NMRAL1: variants seen among roughly 807,000 people sequenced by gnomAD.
NMRAL1 encodes the protein NmrA like redox sensor 1, also known as nmrA-like family domain-containing protein 1.
In NMRAL1, 32 loss-of-function variants were observed where a neutral mutation model predicts 27.5. The ratio of observed to expected loss-of-function variants is 1.16; its 90% CI spans 0.88 to 1.56. NMRAL1 has a LOEUF of 1.56. NMRAL1 is among the 40% of genes most tolerant of loss of function. The probability of loss-of-function intolerance (pLI) is 0.00; values close to 1 mark genes in which losing one functional copy is unlikely to be tolerated. For synonymous variants in NMRAL1, 166 were observed against 166.8 expected, an observed-to-expected ratio of 1.00 and a Z score of 0.04; for missense variants, 420 against 392.0, an observed-to-expected ratio of 1.07 and a Z score of -0.60.
In NMRAL1 at chr16:4,466,199, G is replaced by C. The variant is rs760271406; in HGVS notation, c.483C>G (p.Ser161=). 3 of 1,614,062 alleles carry C rather than the reference G, an allele frequency of 1.9e-6. No individual in the cohort carries two copies. The South Asian group carries it at 3.3e-5, about 18-fold the overall frequency. The change falls in exon 4 of 6, where the codon TCC becomes TCG. Residue 161 remains serine, a synonymous_variant. Transcript: ENST00000283429. Reference sequence around the variant, plus strand: ...CTGGGGCTTTCTGGGGCAAGAAGTGGGAGAGGAGGTTCTCAAAATAGCAGG... The same window carrying C: ...CTGGGGCTTTCTGGGGCAAGAAGTGCGAGAGGAGGTTCTCAAAATAGCAGG... ...RLPCYFENLL[S]HFLPQKAPDG...
In NMRAL1 at chr16:4,468,655, A is replaced by T. The variant is rs1308351333; in HGVS notation, c.279+572T>A. Reference sequence around the variant, plus strand: ...AAAAAAGATCTGCGTTAATCAGAGAAGTTGTCTTTGTCTGCTCTATATAAT... The same window carrying T: ...AAAAAAGATCTGCGTTAATCAGAGATGTTGTCTTTGTCTGCTCTATATAAT... On this transcript the variant is annotated intron_variant, in intron 3 of 5. Transcript: ENST00000283429. 1.8e-4 allele frequency among the ~76,000 whole-genome samples: 28 copies of T among 151,768 alleles called. 1 individual carries two copies. The highest frequency in any genetic ancestry group is 1.8e-3 in the Admixed American group (28 of 15,220).
intron 4 of NMRAL1, chr16:4,464,054 G>T (rs1044463932): frequency 1.8e-6 from 1 of 550,590 alleles, no homozygotes; most frequent in African/African-American, 2.0e-5. Flanking sequence ...TGGAATCCGG[G>T]TACTGCCACC....
At chr16:4,474,491 T>C (rs954477071) in intron 1 of NMRAL1, 63 bp downstream of exon 1, 39 of 246,590 alleles carry the variant, frequency 1.6e-4, no homozygotes, top group Non-Finnish European at 2.2e-4. Flanking sequence ...CCGAGTCCAC[T>C]GCAGAGGCGG....
chr16:4,462,285 C>T (rs1019934980), intron 5 of NMRAL1, among the ~76,000 whole-genome samples: 6 of 151,844 alleles, frequency 4.0e-5, no homozygotes, highest in Non-Finnish European at 5.9e-5. Context: ...TCGAGACCAG[C>T]GTGGCCAACA....
At chr16:4,469,615 A>G in intron 2 of NMRAL1, 150 bp from the exon 3 acceptor site, 1 of 1,465,366 alleles carries the variant, frequency 6.8e-7, no homozygotes, top group South Asian at 1.4e-5. Flanking sequence ...TATTTTCTTT[A>G]TTTTATTTTT....
intron 3 of NMRAL1, among the ~76,000 whole-genome samples, chr16:4,467,550 G>C (rs1396145377): frequency 6.6e-6 from 1 of 151,744 alleles, no homozygotes; most frequent in Non-Finnish European, 1.5e-5. Context: ...ACTCTGGAGA[G>C]AGGGTGACAT....
Position 4,466,438 on chromosome 16 carries a change from A to G in NMRAL1, c.280-36T>C, listed in dbSNP as rs760961679. The G allele has an allele frequency of 4.4e-6, 7 of 1,599,594 alleles. No individual in the cohort carries two copies. The South Asian group carries it at 5.5e-5, about 13-fold the overall frequency. On this transcript the variant is annotated intron_variant, in intron 3 of 5. Transcript: ENST00000283429. ...GGGAAGGAGAGATCACAAGGCTCAG[A>G]AGAAGGATGTCTGTCCCTGGTCACA...
intron 2 of NMRAL1, 55 bp downstream of exon 2, chr16:4,474,038 C>T (rs1437155268): frequency 1.4e-6 from 2 of 1,470,446 alleles, no homozygotes; most frequent in Non-Finnish European, 1.9e-6. Context: ...GACGGGCGGT[C>T]TTCAGGGCTA....
chr16:4,471,106 C>G (rs1023355578), intron 2 of NMRAL1, among the ~76,000 whole-genome samples: 1 of 151,702 alleles, frequency 6.6e-6, no homozygotes, highest in African/African-American at 2.4e-5. Flanking sequence ...GACTCTGTCT[C>G]AAAACAAAAG....
At chr16:4,464,552 C>G (rs868073443) in intron 4 of NMRAL1, among the ~76,000 whole-genome samples, 1 of 151,928 alleles carries the variant, frequency 6.6e-6, no homozygotes, top group South Asian at 2.1e-4. Context: ...GTTCAGATCA[C>G]CTGGGAGCTC....
Position 4,463,674 on chromosome 16 carries a change from C to T in NMRAL1, c.706G>A (p.Val236Met), listed in dbSNP as rs375090595. ...GGGAGGCCCACCTTGGCATCGTGCA[C>T]GACCTTGCGGGTGTGCTTGGTGAGC... is the stretch of plus-strand genomic sequence containing the variant. Reference protein sequence around the residue: ...ALLTKHTRKVVHDAKMTPEDY... With the variant: ...ALLTKHTRKVMHDAKMTPEDY... Residue 236 changes from valine to methionine, a missense_variant, in exon 5 of 6, where the codon GTG (valine) becomes ATG (methionine). Transcript: ENST00000283429. 111 of 1,613,636 alleles carry T rather than the reference C, an allele frequency of 6.9e-5. No homozygotes were observed. Among genetic ancestry groups the T allele is most frequent in the Non-Finnish European group, 8.8e-5 (104 of 1,180,016 alleles).
intron 5 of NMRAL1, 71 bp from the exon 6 acceptor site, chr16:4,462,030 G>C: frequency 7.4e-7 from 1 of 1,360,056 alleles, no homozygotes; most frequent in Non-Finnish European, 1.0e-6. Flanking sequence ...AGGGAGGCCG[G>C]ATGGGCTGGG....
upstream of NMRAL1, chr16:4,475,779 A>C (rs984604828): frequency 2.0e-5 from 3 of 151,996 alleles, no homozygotes; most frequent in Non-Finnish European, 4.4e-5. Context: ...TCTCTACTAA[A>C]AATACAAAAA....
In NMRAL1 at chr16:4,461,908, C is replaced by T. The variant is rs2057126839; in HGVS notation, c.772G>A (p.Ala258Thr). 1 of 1,614,034 alleles carries T rather than the reference C, an allele frequency of 6.2e-7. No individual in the cohort carries two copies. The highest frequency in any genetic ancestry group is 1.1e-5 in the South Asian group (1 of 91,080). ...AGGGCATAGAAACGGAACATGTTGG[C>T]CAGGTCCCGGGCACCGGGAAAGCCA... ...KLGFPGARDL[A>T]NMFRFYALRP... Residue 258 changes from alanine (A) to threonine (T), a missense_variant, in exon 6 of 6, where the codon GCC becomes ACC. Coordinates refer to ENST00000283429, the MANE Select transcript of NMRAL1 (RefSeq NM_020677.6).
chr16:4,462,065 G>T, intron 5 of NMRAL1, 106 bp from the exon 6 acceptor site: 2 of 898,958 alleles, frequency 2.2e-6, no homozygotes, highest in Non-Finnish European at 3.5e-6. Flanking sequence ...TACACCCAGA[G>T]CCACTATTGT....
intron 5 of NMRAL1, 30 bp from the exon 6 acceptor site, chr16:4,461,989 C>T (rs1037739699): frequency 1.1e-5 from 17 of 1,585,540 alleles, no homozygotes; most frequent in South Asian, 3.4e-5. Context: ...TCGTGGCCGG[C>T]GTCCTCCAGT....
rs778877498 is a variant in NMRAL1, at chr16:4,461,766, G to C, written c.*14C>G. ...GTGCCCCCGATCCCCACAAGGGGCC[G>C]CGAGGCGGGCAGGTCACAGCAGGTT... is the stretch of plus-strand genomic sequence containing the variant. On this transcript the variant is annotated 3_prime_UTR_variant, in exon 6 of 6. Coordinates refer to ENST00000283429, the MANE Select transcript of NMRAL1 (RefSeq NM_020677.6). The C allele has an allele frequency of 1.9e-6, 3 of 1,599,648 alleles. No individual in the cohort carries two copies. In the African/African-American group the frequency reaches 4.0e-5, roughly 22 times the overall value.
chr16:4,472,743 CAA>C (rs1351049797), intron 2 of NMRAL1, among the ~76,000 whole-genome samples: 19 of 77,014 alleles, frequency 2.5e-4, no homozygotes, highest in Non-Finnish European at 2.3e-4. Flanking sequence ...GACTCTGTCT[CAA>C]AAAAAAAAAA....
intron 5 of NMRAL1, chr16:4,463,412 C>T: frequency 1.9e-6 from 1 of 531,092 alleles, no homozygotes; most frequent in South Asian, 2.7e-5. Context: ...ATTTTCACCC[C>T]TCCTTGCCTT....
Sources: allele counts gnomAD v4.1 joint callset (sites outside exome capture counted in the v4.1 genomes callset), GRCh38; gene constraint gnomAD v4.1.1; transcripts MANE v1.5; gene names NCBI Gene and HGNC (gene_info 2026-07-23, HGNC 2026-07-21).